SLC19A2: variants seen among roughly 807,000 people sequenced by gnomAD.
SLC19A2 encodes thiamine transporter 1.
SLC19A2 carries 27 observed loss-of-function variants against 44.7 expected under a neutral mutation model. That is an observed-to-expected ratio of 0.60 (90% confidence interval 0.45 to 0.83). SLC19A2 has a LOEUF of 0.83. Ranked by LOEUF, SLC19A2 falls within the 40% of genes least tolerant of loss-of-function variation. The pLI is 0.00. For synonymous variants in SLC19A2, 239 were observed against 243.6 expected (o/e 0.98, Z 0.18); for missense variants, 566 against 613.7 (o/e 0.92, Z 0.82).
In SLC19A2 at chr1:169,465,199, GAAAT is replaced by G. The variant is rs943146095; in HGVS notation, c.*646_*649del. 2.0e-5 allele frequency: 3 copies of G among 152,180 alleles called. No homozygotes were observed. Among genetic ancestry groups the G allele is most frequent in the Non-Finnish European group, 2.9e-5 (2 of 68,036 alleles). 9.4% of individuals were successfully genotyped at this position (152,180 alleles called of 1,614,324 possible). A position where few individuals can be genotyped will look rare whatever the true frequency, so the allele number is the denominator to read the frequency against. On this transcript the variant is annotated 3_prime_UTR_variant, in exon 6 of 6. Transcript: ENST00000236137. The stretch of plus-strand genomic sequence containing the variant: ...AACGTACTTCTAAACAAATTTTACA[GAAAT>G]AAATAATCGTCACAATGGGAACCAA...
At chr1:169,480,526 CT>C (rs1658421533) in intron 1 of SLC19A2, among the ~76,000 whole-genome samples, 1 of 151,994 alleles carries the variant, frequency 6.6e-6, no homozygotes, top group Non-Finnish European at 1.5e-5. Flanking sequence ...GTTGGCCAGG[CT>C]GGTCTCGAAC....
Position 169,485,619 on chromosome 1 carries a change from C to A in SLC19A2, c.148G>T (p.Glu50Ter). The A allele has an allele frequency of 1.9e-6, 3 of 1,572,436 alleles. No homozygotes were observed. The highest frequency in any genetic ancestry group is 2.4e-5 in the East Asian group (1 of 42,372). Residue 50 changes from glutamate (E) to a stop codon, truncating the protein, a stop_gained, in exon 1 of 6, where the codon GAG becomes TAG. Coordinates refer to ENST00000236137, the MANE Select transcript of SLC19A2 (RefSeq NM_006996.3). LOFTEE classifies it high-confidence loss of function. ...AGCAGGTACGGGGTCAGGAAGGGCTCGGACGGCCTGAGGCTGGCGAAGAAG... is the reference window on the plus strand; with the variant it reads ...AGCAGGTACGGGGTCAGGAAGGGCTAGGACGGCCTGAGGCTGGCGAAGAAG... ...YGFFASLRPSEPFLTPYLLGP... is the reference protein window; with the variant it reads ...YGFFASLRPS
At chr1:169,475,180 CTG>C (rs1658278137) in intron 2 of SLC19A2, among the ~76,000 whole-genome samples, 1 of 152,082 alleles carries the variant, frequency 6.6e-6, no homozygotes, top group South Asian at 2.1e-4. Flanking sequence ...TACTGACACA[CTG>C]TGTATCTATA....
intron 1 of SLC19A2, among the ~76,000 whole-genome samples, chr1:169,478,263 G>T (rs1165710216): frequency 6.6e-6 from 1 of 151,670 alleles, no homozygotes; most frequent in Non-Finnish European, 1.5e-5. Context: ...ATTAATCAAG[G>T]CCTAGTTCAA....
At position 169,485,799 on chromosome 1, in the gene SLC19A2, C is replaced by T. The variant is rs1480391424; in HGVS notation, c.-33G>A. On this transcript the variant is annotated 5_prime_UTR_variant, in exon 1 of 6. Coordinates refer to ENST00000236137, the MANE Select transcript of SLC19A2 (RefSeq NM_006996.3). ...GCGAGGGGAGGGGACCCGGCCCGGCCCCTTCCTTCTCCTCCTCCGCCAACT... is the reference window on the plus strand; with the variant it reads ...GCGAGGGGAGGGGACCCGGCCCGGCTCCTTCCTTCTCCTCCTCCGCCAACT... 2 of 1,508,568 alleles carry T rather than the reference C, an allele frequency of 1.3e-6. No individual in the cohort carries two copies. The highest frequency in any genetic ancestry group is 1.8e-6 in the Non-Finnish European group (2 of 1,135,776). 93.4% of individuals were successfully genotyped at this position (1,508,568 alleles called of 1,614,324 possible).
At chr1:169,468,946 A>G (rs563852901) in intron 3 of SLC19A2, 110 bp from the exon 4 acceptor site, 40 of 939,786 alleles carry the variant, frequency 4.3e-5, no homozygotes, top group Non-Finnish European at 6.4e-5. Context: ...ACTTATAAAC[A>G]GAATAGCTCA....
In SLC19A2 at chr1:169,485,611, G is replaced by A. The variant is rs375301246; in HGVS notation, c.156C>T (p.Phe52=). The stretch of plus-strand genomic sequence containing the variant: ...CCGGCCCCAGCAGGTACGGGGTCAG[G>A]AAGGGCTCGGACGGCCTGAGGCTGG... ...FFASLRPSEP[F]LTPYLLGPDK... is the part of the protein sequence containing the mutation. Residue 52 remains phenylalanine (F), a synonymous_variant, in exon 1 of 6, where the codon TTC becomes TTT. Coordinates refer to ENST00000236137, the MANE Select transcript of SLC19A2 (RefSeq NM_006996.3). The A allele has an allele frequency of 4.8e-5, 76 of 1,577,334 alleles. 1 individual carries two copies. The highest frequency in any genetic ancestry group is 1.8e-4 in the Admixed American group (10 of 55,786).
chr1:169,482,329 C>G (rs1658460944), intron 1 of SLC19A2, among the ~76,000 whole-genome samples: 1 of 151,996 alleles, frequency 6.6e-6, no homozygotes, highest in African/African-American at 2.4e-5. Context: ...CACTTGAGGC[C>G]AGGGGTTCAA....
At chr1:169,468,463 G>A in intron 4 of SLC19A2, 181 bp downstream of exon 4, 1 of 682,924 alleles carries the variant, frequency 1.5e-6, no homozygotes, top group South Asian at 2.0e-5. Flanking sequence ...ACAAACATGG[G>A]AATAAACAAA....
rs1658338134 is a variant in SLC19A2, at chr1:169,477,132, A to G, written c.807+23T>C. ...GTCCAGCCCCCATAGTAGCAATTAC[A>G]AGATATTTAAGGCTGAGCTTACCGG... On this transcript the variant is annotated intron_variant, in intron 2 of 5. Transcript: ENST00000236137. The G allele has an allele frequency of 3.1e-6, 5 of 1,612,878 alleles. No homozygotes were observed. In the South Asian group the frequency reaches 5.5e-5, roughly 18 times the overall value.
intron 4 of SLC19A2, 99 bp downstream of exon 4, chr1:169,468,545 T>C (rs113741024): frequency 7.1e-6 from 7 of 987,800 alleles, no homozygotes; most frequent in African/African-American, 1.6e-5. Flanking sequence ...CCCATTTGCC[T>C]CATTTAACTA....
chr1:169,485,961 C>G (rs72542443), upstream of SLC19A2: 337 of 660,218 alleles, frequency 5.1e-4, 1 homozygote, highest in African/African-American at 5.3e-3. Context: ...GCTGCCTGAT[C>G]GCCCAGTTTA....
Position 169,468,262 on chromosome 1 carries a change from A to G in SLC19A2, c.1224-10T>C. The G allele has an allele frequency of 1.2e-6, 2 of 1,610,282 alleles. No individual in the cohort carries two copies. Among genetic ancestry groups the G allele is most frequent in the Non-Finnish European group, 1.7e-6 (2 of 1,177,036 alleles). On this transcript the variant is annotated splice_polypyrimidine_tract_variant and intron_variant, in intron 4 of 5. Transcript: ENST00000236137. ...TGCAGCAATTTGAAAACTTAAAAAA[A>G]AATAAAAGAGTGAATAAATAAGAAT... is the stretch of plus-strand genomic sequence containing the variant.
chr1:169,485,783 G>A lies in SLC19A2; in HGVS notation c.-17C>T, dbSNP rs1231076910. On this transcript the variant is annotated 5_prime_UTR_variant, in exon 1 of 6. Transcript: ENST00000236137. ...CACATCCATCCGGGGCGCGAGGGGA[G>A]GGGACCCGGCCCGGCCCCTTCCTTC... The A allele has an allele frequency of 1.3e-6, 2 of 1,523,728 alleles. No individual in the cohort carries two copies. The highest frequency in any genetic ancestry group is 1.8e-6 in the Non-Finnish European group (2 of 1,141,504). The allele number at this position is 1,523,728 out of a possible 1,614,324, so 94.4% of individuals were successfully genotyped here.
intron 1 of SLC19A2, among the ~76,000 whole-genome samples, chr1:169,481,501 C>T (rs1658444921): frequency 6.6e-6 from 1 of 152,210 alleles, no homozygotes; most frequent in Non-Finnish European, 1.5e-5. Context: ...CTACAGTCTC[C>T]AGCACTTAAC....
Position 169,477,719 on chromosome 1 carries a change from G to C in SLC19A2, c.243C>G (p.Tyr81Ter). The C allele has an allele frequency of 6.2e-7, 1 of 1,611,552 alleles. No homozygotes were observed. The highest frequency in any genetic ancestry group is 1.1e-5 in the South Asian group (1 of 91,016). The change falls in exon 2 of 6, where the codon TAC becomes TAG. Residue 81 changes from tyrosine (Y) to a stop codon, truncating the protein, a stop_gained. Transcript: ENST00000236137. LOFTEE classifies it high-confidence loss of function. ...GGAACACAGGAAACAGTAGCACCAG[G>C]TAAGAGTAAGTCCATACTGGATAAA... ...NEIYPVWTYSYLVLLFPVFLA... is the reference protein window; with the variant it reads ...NEIYPVWTYS
rs1658546129 is a variant in SLC19A2, at chr1:169,485,722, C to T, written c.45G>A (p.Ala15=). 6.5e-7 allele frequency: 1 copy of T among 1,531,928 alleles called. No individual in the cohort carries two copies. The highest frequency in any genetic ancestry group is 8.7e-7 in the Non-Finnish European group (1 of 1,143,710). The allele number at this position is 1,531,928 out of a possible 1,614,324, so 94.9% of individuals were successfully genotyped here. ...GPVSRRAAAA[A]ATVLLRTARV... ...GAGCGGTCCGCAGGAGCACAGTGGC[C>T]GCCGCCGCCGCCGCCCGCCGAGACA... is the stretch of plus-strand genomic sequence containing the variant. Residue 15 remains alanine (A), a synonymous_variant, in exon 1 of 6, where the codon GCG becomes GCA. Coordinates refer to ENST00000236137, the MANE Select transcript of SLC19A2 (RefSeq NM_006996.3).
chr1:169,470,173 T>C lies in SLC19A2; in HGVS notation c.821A>G (p.Asp274Gly). The C allele has an allele frequency of 6.2e-7, 1 of 1,613,996 alleles. No individual in the cohort carries two copies. The highest frequency in any genetic ancestry group is 8.5e-7 in the Non-Finnish European group (1 of 1,179,944). ...PPVEEPEPKP[D>G]RLLVLKVLWN... The stretch of plus-strand genomic sequence containing the variant: ...TAGTACTTTCAATACAAGGAGACGG[T>C]CTGGCTTGGGTTCCTACATAGCAAA... The change falls in exon 3 of 6, where the codon GAC becomes GGC. Residue 274 changes from aspartate to glycine, a missense_variant. Physicochemically the swap from Asp to Gly is moderately conservative, Grantham distance 94. Coordinates refer to ENST00000236137, the MANE Select transcript of SLC19A2 (RefSeq NM_006996.3).
At chr1:169,469,657 A>C (rs1180563613) in intron 3 of SLC19A2, among the ~76,000 whole-genome samples, 1 of 152,172 alleles carries the variant, frequency 6.6e-6, no homozygotes. Flanking sequence ...TGCCATTCAA[A>C]ATTTCACATC....
Sources: gnomAD v4.1 joint callset for allele counts (sites outside exome capture counted in the v4.1 genomes callset) on GRCh38, gnomAD v4.1.1 for gene constraint, MANE v1.5 for transcripts, NCBI Gene and HGNC (gene_info 2026-07-23, HGNC 2026-07-21) for gene names.